The following GRID2 variants were observed in gnomAD, a reference collection of about 807,000 sequenced individuals.
GRID2 encodes glutamate ionotropic receptor delta type subunit 2.
GRID2 carries 33 observed loss-of-function variants against 114.8 expected under a neutral mutation model. The ratio of observed to expected loss-of-function variants is 0.29; its 90% confidence interval spans 0.22 to 0.38. The LOEUF (loss-of-function observed/expected upper bound fraction) is 0.38, where lower values mean the gene tolerates loss of function less well. Among genes scored for constraint, GRID2 ranks in the 10% least tolerant of loss-of-function variants. The probability of loss-of-function intolerance (pLI) is 1.00; values close to 1 mark genes in which losing one functional copy is unlikely to be tolerated. For missense variants in GRID2, 1,184 were observed against 1,257.7 expected (o/e 0.94, Z 0.89); for synonymous variants, 505 against 449.9 (o/e 1.12, Z -1.55).
At chr4:92,531,065 T>A (rs1222374153) in intron 1 of GRID2, among the ~76,000 whole-genome samples, 4 of 152,136 alleles carry the variant, frequency 2.6e-5, no homozygotes, top group East Asian at 1.9e-4. Flanking sequence ...AAGTGAAAAA[T>A]CACAATGCCT....
intron 2 of GRID2, among the ~76,000 whole-genome samples, chr4:92,898,774 C>A (rs1321886863): frequency 6.6e-6 from 1 of 152,056 alleles, no homozygotes; most frequent in East Asian, 1.9e-4. Flanking sequence ...AAATACCATC[C>A]TTTTATACTC....
chr4:93,589,515 A>C (rs1737939574), intron 13 of GRID2, among the ~76,000 whole-genome samples: 1 of 152,060 alleles, frequency 6.6e-6, no homozygotes, highest in South Asian at 2.1e-4. Context: ...ATAAACATAC[A>C]TCTGCATGTA....
chr4:93,361,826 T>C (rs1761906944), intron 8 of GRID2, among the ~76,000 whole-genome samples: 1 of 152,170 alleles, frequency 6.6e-6, no homozygotes, highest in African/African-American at 2.4e-5. Flanking sequence ...GCTGCTAGTT[T>C]TTTTTTAGAT....
At chr4:92,837,299 C>G (rs966639639) in intron 2 of GRID2, among the ~76,000 whole-genome samples, 8 of 151,786 alleles carry the variant, frequency 5.3e-5, no homozygotes. Flanking sequence ...GAAAGGAACT[C>G]AAACAAATAC....
intron 7 of GRID2, among the ~76,000 whole-genome samples, chr4:93,234,336 T>C (rs1388299268): frequency 1.3e-5 from 2 of 152,058 alleles, no homozygotes; most frequent in Admixed American, 1.3e-4. Flanking sequence ...TAATATGTTA[T>C]ATTGAACACA....
At chr4:93,130,677 A>G (rs1025554070) in intron 4 of GRID2, among the ~76,000 whole-genome samples, 3 of 152,122 alleles carry the variant, frequency 2.0e-5, no homozygotes, top group African/African-American at 4.8e-5. Flanking sequence ...CCCATAATTT[A>G]TTGTTCTCCG....
At chr4:93,658,789 A>C (rs922274350) in intron 14 of GRID2, among the ~76,000 whole-genome samples, 1 of 152,160 alleles carries the variant, frequency 6.6e-6, no homozygotes, top group Non-Finnish European at 1.5e-5. Flanking sequence ...CAATTTTAGA[A>C]TTTCATAGTG....
At chr4:92,898,449 A>G (rs1396210897) in intron 2 of GRID2, among the ~76,000 whole-genome samples, 2 of 152,168 alleles carry the variant, frequency 1.3e-5, no homozygotes, top group African/African-American at 4.8e-5. Flanking sequence ...AAGATATTTC[A>G]TGTTGCTACC....
intron 14 of GRID2, among the ~76,000 whole-genome samples, chr4:93,651,933 G>T (rs1235260753): frequency 6.6e-6 from 1 of 152,118 alleles, no homozygotes; most frequent in Admixed American, 6.6e-5. Flanking sequence ...TCTGTTTGGT[G>T]TGATAGGTGT....
chr4:93,595,307 A>G (rs1016378860), intron 13 of GRID2, among the ~76,000 whole-genome samples: 1 of 152,142 alleles, frequency 6.6e-6, no homozygotes, highest in African/African-American at 2.4e-5. Flanking sequence ...AGTATTTAAC[A>G]TTTCATAATT....
chr4:93,693,676 T>G (rs936637311), intron 14 of GRID2, among the ~76,000 whole-genome samples: 1 of 152,186 alleles, frequency 6.6e-6, no homozygotes, highest in Non-Finnish European at 1.5e-5. Context: ...AAATTATTAT[T>G]AATACTGTAT....
At chr4:92,365,412 G>A (rs1013404974) in intron 1 of GRID2, among the ~76,000 whole-genome samples, 2 of 151,928 alleles carry the variant, frequency 1.3e-5, no homozygotes, top group South Asian at 2.1e-4. Context: ...TCTCATTTAT[G>A]TGTGGAATTT....
intron 13 of GRID2, among the ~76,000 whole-genome samples, chr4:93,553,415 T>A (rs17020757): frequency 6.6e-6 from 1 of 152,112 alleles, no homozygotes; most frequent in Non-Finnish European, 1.5e-5. Context: ...CTAATTCCTC[T>A]TGTATATCTG....
At chr4:92,580,770 A>T (rs1196820115) in intron 1 of GRID2, among the ~76,000 whole-genome samples, 1 of 152,016 alleles carries the variant, frequency 6.6e-6, no homozygotes, top group Non-Finnish European at 1.5e-5. Context: ...AATACTAAAA[A>T]GGTAGAGTAA....
chr4:92,597,966 C>T (rs1199071529), intron 2 of GRID2, among the ~76,000 whole-genome samples: 1 of 152,030 alleles, frequency 6.6e-6, no homozygotes, highest in Non-Finnish European at 1.5e-5. Context: ...TTATATGATC[C>T]AGTTTACCTG....
intron 2 of GRID2, among the ~76,000 whole-genome samples, chr4:92,833,418 C>G (rs141190885): frequency 2.3e-3 from 344 of 152,312 alleles, no homozygotes; most frequent in African/African-American, 7.5e-3. Context: ...CCAGTCATAA[C>G]AGTGGCAATA....
At chr4:92,552,646 G>T (rs1726652204) in intron 1 of GRID2, among the ~76,000 whole-genome samples, 1 of 152,182 alleles carries the variant, frequency 6.6e-6, no homozygotes, top group African/African-American at 2.4e-5. Flanking sequence ...CTCAGCTACA[G>T]TAGATGACTC....
intron 11 of GRID2, among the ~76,000 whole-genome samples, chr4:93,467,497 T>A (rs1406717638): frequency 6.6e-6 from 1 of 152,206 alleles, no homozygotes; most frequent in African/African-American, 2.4e-5. Context: ...TATAAGGAAT[T>A]GTTGATGGCA....
At chr4:92,849,302 C>T (rs1202944684) in intron 2 of GRID2, among the ~76,000 whole-genome samples, 1 of 151,872 alleles carries the variant, frequency 6.6e-6, no homozygotes, top group Non-Finnish European at 1.5e-5. Flanking sequence ...CCTTTATCTG[C>T]AGGGCCTGGT....
Sources: gnomAD v4.1 joint callset for allele counts (sites outside exome capture counted in the v4.1 genomes callset) on GRCh38, gnomAD v4.1.1 for gene constraint, MANE v1.5 for transcripts, NCBI Gene and HGNC (gene_info 2026-07-23, HGNC 2026-07-21) for gene names.